Variants in SUGCT observed in about 807,000 individuals in gnomAD.
SUGCT encodes succinyl-CoA:glutarate CoA-transferase.
SUGCT carries 41 observed loss-of-function variants against 55.0 expected under a neutral mutation model. The ratio of observed to expected loss-of-function variants is 0.74; its 90% CI spans 0.58 to 0.97. The LOEUF is 0.97. SUGCT is among the 50% of genes least tolerant of loss of function. The pLI is 0.00. For missense variants in SUGCT, 568 were observed against 547.8 expected (o/e 1.04, Z -0.37); for synonymous variants, 187 against 200.4 (o/e 0.93, Z 0.56).
At chr7:40,830,811 T>C (rs753357264) in intron 13 of SUGCT, among the ~76,000 whole-genome samples, 1 of 152,084 alleles carries the variant, frequency 6.6e-6, no homozygotes, top group Non-Finnish European at 1.5e-5. Context: ...ACTCGGAGAG[T>C]GTGCCCAGCC....
At chr7:40,250,828 C>CTTCTTCTT (rs1253390486) in intron 7 of SUGCT, among the ~76,000 whole-genome samples, 6 of 121,266 alleles carry the variant, frequency 4.9e-5, no homozygotes, top group African/African-American at 2.2e-4. Context: ...TTTCACGCTT[C>CTTCTTCTT]TTTTTTTTTT....
intron 9 of SUGCT, among the ~76,000 whole-genome samples, chr7:40,409,645 T>A (rs865939066): frequency 2.0e-4 from 31 of 152,146 alleles, no homozygotes; most frequent in African/African-American, 7.5e-4. Context: ...TCATAAACCC[T>A]ATAGTATTCT....
At chr7:40,373,129 A>G (rs1469545659) in intron 9 of SUGCT, among the ~76,000 whole-genome samples, 1 of 151,922 alleles carries the variant, frequency 6.6e-6, no homozygotes, top group African/African-American at 2.4e-5. Context: ...AAGTAACACT[A>G]TCGTACTACA....
At chr7:40,616,729 G>A (rs1408384400) in intron 12 of SUGCT, among the ~76,000 whole-genome samples, 1 of 152,200 alleles carries the variant, frequency 6.6e-6, no homozygotes, top group African/African-American at 2.4e-5. Context: ...TCAGGGAGAA[G>A]TCCTGTTGGG....
At chr7:40,308,843 C>G (rs1794979792) in intron 8 of SUGCT, among the ~76,000 whole-genome samples, 1 of 152,106 alleles carries the variant, frequency 6.6e-6, no homozygotes, top group Non-Finnish European at 1.5e-5. Flanking sequence ...AACCCTGCCT[C>G]TACTAAAAAT....
intron 9 of SUGCT, among the ~76,000 whole-genome samples, chr7:40,363,462 T>G (rs1798255569): frequency 6.6e-6 from 1 of 152,188 alleles, no homozygotes. Context: ...TACTATAAAT[T>G]TCCCTCTACA....
chr7:40,623,469 A>T (rs1432674507), intron 12 of SUGCT, among the ~76,000 whole-genome samples: 1 of 152,128 alleles, frequency 6.6e-6, no homozygotes, highest in African/African-American at 2.4e-5. Context: ...TGTATTCTAC[A>T]AGTACAATTT....
At chr7:40,644,001 G>T (rs1299141276) in intron 12 of SUGCT, among the ~76,000 whole-genome samples, 1 of 152,142 alleles carries the variant, frequency 6.6e-6, no homozygotes, top group Non-Finnish European at 1.5e-5. Flanking sequence ...TGGAAAACCT[G>T]TCGTTTGGGA....
Position 40,572,664 on chromosome 7 carries a change from T to A in SUGCT, c.1089+76278T>A, listed in dbSNP as rs184195309. Among the ~76,000 whole-genome samples the A allele has an allele frequency of 3.9e-3, 600 of 152,322 alleles. 2 individuals carry two copies. The highest frequency in any genetic ancestry group is 0.014 in the African/African-American group (568 of 41,572). On this transcript the variant is annotated intron_variant, in intron 12 of 13. Coordinates refer to ENST00000335693, the MANE Select transcript of SUGCT (RefSeq NM_001193313.2). ...TCACGCCTCTGGAATAAATTTATGA[T>A]TTTAATCTCATATTATCCTAATGTT...
At chr7:40,349,849 T>C (rs1797522544) in intron 9 of SUGCT, among the ~76,000 whole-genome samples, 1 of 152,208 alleles carries the variant, frequency 6.6e-6, no homozygotes, top group Non-Finnish European at 1.5e-5. Context: ...TGGTTTTTAT[T>C]AATATTTTTA....
intron 12 of SUGCT, among the ~76,000 whole-genome samples, chr7:40,692,099 AATAAT>A (rs1784726878): frequency 6.6e-6 from 1 of 152,134 alleles, no homozygotes; most frequent in Non-Finnish European, 1.5e-5. Flanking sequence ...GTCACTCGTT[AATAAT>A]GTCTCAGTAA....
intron 9 of SUGCT, among the ~76,000 whole-genome samples, chr7:40,419,784 C>G (rs1004094380): frequency 6.6e-6 from 1 of 152,158 alleles, no homozygotes; most frequent in Admixed American, 6.5e-5. Flanking sequence ...GCCTAACCTG[C>G]TTCTTTGTTT....
At chr7:40,873,562 CTTCAGTCATT>C in the SUGCT span, among the ~76,000 whole-genome samples, 1 of 152,242 alleles carries the variant, frequency 6.6e-6, no homozygotes, top group Non-Finnish European at 1.5e-5. Context: ...CCTTCTCACA[CTTCAGTCATT>C]CCTGCCCTTT....
At chr7:40,135,405 CT>C (rs1787627537) in intron 1 of SUGCT, among the ~76,000 whole-genome samples, 1 of 152,252 alleles carries the variant, frequency 6.6e-6, no homozygotes, top group Non-Finnish European at 1.5e-5. Context: ...CTCTTTACTC[CT>C]GTCCTTTCGT....
intron 9 of SUGCT, among the ~76,000 whole-genome samples, chr7:40,397,764 C>T (rs1235805965): frequency 2.0e-5 from 3 of 152,188 alleles, no homozygotes; most frequent in Admixed American, 2.0e-4. Flanking sequence ...TGCTGGTATT[C>T]TTGTGATCAG....
intron 12 of SUGCT, among the ~76,000 whole-genome samples, chr7:40,580,869 C>T (rs1461015410): frequency 6.6e-6 from 1 of 152,132 alleles, no homozygotes; most frequent in African/African-American, 2.4e-5. Context: ...ACAGGCTATA[C>T]CATATAGCCT....
At chr7:40,314,806 C>G (rs1201359872) in intron 8 of SUGCT, among the ~76,000 whole-genome samples, 1 of 152,022 alleles carries the variant, frequency 6.6e-6, no homozygotes, top group Non-Finnish European at 1.5e-5. Context: ...TTAGGTGATC[C>G]ACCTGCCTCG....
intron 7 of SUGCT, among the ~76,000 whole-genome samples, chr7:40,259,745 T>C (rs1185484804): frequency 6.6e-6 from 1 of 152,260 alleles, no homozygotes; most frequent in Non-Finnish European, 1.5e-5. Context: ...TATTTTGTGT[T>C]ATTTGTGAAG....
chr7:40,698,553 C>T lies in SUGCT; in HGVS notation c.1090-50881C>T, dbSNP rs563035943. The stretch of plus-strand genomic sequence containing the variant: ...ACCCTGTCATTTGCTGTGGAGACTA[C>T]ACTGATGCCTCAACTTACACATATC... On this transcript the variant is annotated intron_variant, in intron 12 of 13. Transcript: ENST00000335693. Among the ~76,000 whole-genome samples, 48 of 152,324 alleles carry T rather than the reference C, an allele frequency of 3.2e-4. 1 individual carries two copies. Among genetic ancestry groups the T allele is most frequent in the African/African-American group, 1.1e-3 (44 of 41,562 alleles).
Sources: gnomAD v4.1 joint callset for allele counts (sites outside exome capture counted in the v4.1 genomes callset) on GRCh38, gnomAD v4.1.1 for gene constraint, MANE v1.5 for transcripts, NCBI Gene and HGNC (gene_info 2026-07-23, HGNC 2026-07-21) for gene names.